The following SLC26A7 variants were observed in gnomAD, a reference collection of about 807,000 sequenced individuals.
The protein encoded by SLC26A7 is solute carrier family 26 member 7, also known as anion exchange transporter.
In SLC26A7, 59 loss-of-function variants were observed where a neutral mutation model predicts 82.5. That is an observed-to-expected ratio of 0.72 (90% confidence interval 0.58 to 0.89). The LOEUF is 0.89. Ranked by LOEUF, SLC26A7 falls within the 40% of genes least tolerant of loss-of-function variation. The pLI, the probability that SLC26A7 is intolerant of heterozygous loss-of-function variation, is 0.00. For synonymous variants in SLC26A7, 271 were observed against 274.3 expected (o/e 0.99, Z 0.12); for missense variants, 820 against 793.0 (o/e 1.03, Z -0.41).
At chr8:91,337,361 C>A (rs181114568) in intron 6 of SLC26A7, among the ~76,000 whole-genome samples, 1 of 152,000 alleles carries the variant, frequency 6.6e-6, no homozygotes, top group Non-Finnish European at 1.5e-5. Context: ...GCCTCTTTTA[C>A]AAGATGAATT....
intron 1 of SLC26A7, among the ~76,000 whole-genome samples, chr8:91,214,331 C>G (rs1245560597): frequency 6.6e-6 from 1 of 152,134 alleles, no homozygotes; most frequent in Admixed American, 6.6e-5. Flanking sequence ...CTGGATAATT[C>G]AAGTGAATAC....
intron 6 of SLC26A7, among the ~76,000 whole-genome samples, chr8:91,335,286 G>T (rs541332984): frequency 3.3e-4 from 50 of 152,104 alleles, no homozygotes; most frequent in African/African-American, 1.1e-3. Flanking sequence ...GACTATTAAG[G>T]CTACGACTCA....
At chr8:91,307,822 A>AT (rs927359113) in intron 4 of SLC26A7, among the ~76,000 whole-genome samples, 1 of 150,970 alleles carries the variant, frequency 6.6e-6, no homozygotes, top group African/African-American at 2.4e-5. Context: ...TAAATAAAAA[A>AT]AATAAATTTC....
At chr8:91,297,219 A>G (rs1451732136) in intron 4 of SLC26A7, among the ~76,000 whole-genome samples, 7 of 152,108 alleles carry the variant, frequency 4.6e-5, no homozygotes, top group Admixed American at 6.6e-5. Flanking sequence ...AGTTTTAGGT[A>G]TATATTAGTA....
At chr8:91,338,522 G>A (rs1813308609) in intron 7 of SLC26A7, among the ~76,000 whole-genome samples, 1 of 152,160 alleles carries the variant, frequency 6.6e-6, no homozygotes, top group Admixed American at 6.6e-5. Context: ...CTTTGCAAAT[G>A]AGAGTTATGA....
intron 2 of SLC26A7, among the ~76,000 whole-genome samples, chr8:91,226,599 C>G (rs1810242915): frequency 6.6e-6 from 1 of 152,242 alleles, no homozygotes; most frequent in South Asian, 2.1e-4. Context: ...ATCTACCAGG[C>G]ACTGTTCTAA....
chr8:91,389,111 GTCT>G (rs1309094100), intron 15 of SLC26A7, among the ~76,000 whole-genome samples: 2 of 152,064 alleles, frequency 1.3e-5, no homozygotes, highest in African/African-American at 2.4e-5. Context: ...AACCTATTTT[GTCT>G]TCTTCTTTGA....
chr8:91,352,840 C>T, intron 10 of SLC26A7, 61 bp from the exon 11 acceptor site: 1 of 1,351,056 alleles, frequency 7.4e-7, no homozygotes, highest in Non-Finnish European at 1.0e-6. Context: ...TACCTTAGCC[C>T]TTTTAAATTT....
At chr8:91,283,397 G>A (rs1318730803) in intron 2 of SLC26A7, among the ~76,000 whole-genome samples, 2 of 152,142 alleles carry the variant, frequency 1.3e-5, no homozygotes, top group African/African-American at 4.8e-5. Flanking sequence ...ACCTAGAAAA[G>A]TGCCTCAGGT....
chr8:91,301,780 C>T (rs1446055812), intron 4 of SLC26A7, among the ~76,000 whole-genome samples: 1 of 150,842 alleles, frequency 6.6e-6, no homozygotes, highest in Non-Finnish European at 1.5e-5. Flanking sequence ...TTTTTTCCAT[C>T]TAGGAATTCA....
chr8:91,377,612 T>C (rs1376265928), intron 15 of SLC26A7, among the ~76,000 whole-genome samples: 1 of 152,180 alleles, frequency 6.6e-6, no homozygotes, highest in Non-Finnish European at 1.5e-5. Context: ...ATGTGTGAGC[T>C]GGTCACCTGG....
At chr8:91,240,705 T>C (rs1191565279) in intron 2 of SLC26A7, among the ~76,000 whole-genome samples, 4 of 152,150 alleles carry the variant, frequency 2.6e-5, no homozygotes, top group Non-Finnish European at 2.9e-5. Context: ...GTAGCCTATA[T>C]TTAAATTAGG....
chr8:91,234,791 C>CCCTACCTACCTACCTA (rs68154003), intron 2 of SLC26A7, among the ~76,000 whole-genome samples: 1 of 121,464 alleles, frequency 8.2e-6, no homozygotes, highest in African/African-American at 3.2e-5. Flanking sequence ...TTCCCTCCCT[C>CCCTACCTACCTACCTA]CCTACCTACC....
At chr8:91,245,160 C>T (rs1456181605), upstream of SLC26A7, among the ~76,000 whole-genome samples, 2 of 152,148 alleles carry the variant, frequency 1.3e-5, no homozygotes, top group East Asian at 1.9e-4. Context: ...TAGAGGTTTA[C>T]ACTAAATTAA....
At chr8:91,341,956 C>T (rs1440164507) in intron 8 of SLC26A7, among the ~76,000 whole-genome samples, 1 of 152,066 alleles carries the variant, frequency 6.6e-6, no homozygotes, top group South Asian at 2.1e-4. Flanking sequence ...TAGAGACAAA[C>T]CTCACTCTGT....
At chr8:91,270,511 G>T (rs930643767) in intron 2 of SLC26A7, among the ~76,000 whole-genome samples, 2 of 152,136 alleles carry the variant, frequency 1.3e-5, no homozygotes, top group Non-Finnish European at 2.9e-5. Context: ...TCCAGGACAG[G>T]GGACAGCTCC....
At chr8:91,281,352 A>G (rs1037099890) in intron 2 of SLC26A7, among the ~76,000 whole-genome samples, 11 of 152,202 alleles carry the variant, frequency 7.2e-5, no homozygotes, top group African/African-American at 2.7e-4. Context: ...AATATTCCAT[A>G]GTACAATTGT....
intron 12 of SLC26A7, 68 bp from the exon 13 acceptor site, chr8:91,363,404 G>C: frequency 1.1e-6 from 1 of 921,766 alleles, no homozygotes; most frequent in Middle Eastern, 2.3e-4. Flanking sequence ...GACTACTTTT[G>C]GTTTCTTCAT....
chr8:91,397,503 A>G lies in SLC26A7; in HGVS notation c.*2406A>G, dbSNP rs1808602635. On this transcript the variant is annotated 3_prime_UTR_variant, in exon 19 of 19. Transcript: ENST00000276609. ...GGTAAAATAAAATTGGAAAAAATTA[A>G]AACTGACCTATAAGAGTGTTAAGGA... 2 of 152,554 alleles carry G rather than the reference A, an allele frequency of 1.3e-5. No homozygotes were observed. The highest frequency in any genetic ancestry group is 2.9e-5 in the Non-Finnish European group (2 of 67,960). The allele number at this position is 152,554 out of a possible 1,614,324, so 9.5% of individuals were successfully genotyped here.
Sources: gnomAD v4.1 joint callset for allele counts (sites outside exome capture counted in the v4.1 genomes callset) on GRCh38, gnomAD v4.1.1 for gene constraint, MANE v1.5 for transcripts, NCBI Gene and HGNC (gene_info 2026-07-23, HGNC 2026-07-21) for gene names.